Variants in GOLM1 observed in about 807,000 individuals in gnomAD.
GOLM1 encodes the protein golgi membrane protein 1, also known as epididymis luminal protein 46.
In GOLM1, 31 loss-of-function variants were observed where a neutral mutation model predicts 50.5. The observed-to-expected ratio is 0.61, with a 90% CI of 0.46 to 0.83. The LOEUF is 0.83. GOLM1 is among the 40% of genes least tolerant of loss of function. The pLI is 0.00. For synonymous variants in GOLM1, 178 were observed against 192.8 expected (o/e 0.92, Z 0.64); for missense variants, 491 against 501.3 (o/e 0.98, Z 0.20).
intron 1 of GOLM1, among the ~76,000 whole-genome samples, chr9:86,095,281 T>G (rs1835323646): frequency 6.6e-6 from 1 of 151,944 alleles, no homozygotes; most frequent in Non-Finnish European, 1.5e-5. Flanking sequence ...CAGGCTGGAG[T>G]GCAGTGGCGC....
intron 1 of GOLM1, among the ~76,000 whole-genome samples, chr9:86,088,860 T>A (rs777372470): frequency 6.6e-6 from 1 of 152,214 alleles, no homozygotes; most frequent in Non-Finnish European, 1.5e-5. Context: ...ATAGTGTCGA[T>A]GGTCTTTACA....
rs748551343 is a variant in GOLM1 at position 86,079,295 on chromosome 9, C to T, written c.26G>A (p.Arg9His). ...CACGAGGGGCGGCGACTTCATGCTG[C>T]GACGCCCGTTTCCCAAGCCCATCAT... The part of the protein sequence containing the change: MMGLGNGR[R>H]SMKSPPLVLA... The change falls in exon 2 of 10, where the codon CGC becomes CAC. Residue 9 changes from arginine (R) to histidine (H), a missense_variant. Transcript: ENST00000388712. The T allele has an allele frequency of 1.6e-5, 26 of 1,602,408 alleles. No individual in the cohort carries two copies. The South Asian group carries it at 1.7e-4, about 10-fold the overall frequency.
At chr9:86,053,459 TCACAC>T (rs1833847392) in intron 3 of GOLM1, among the ~76,000 whole-genome samples, 1 of 39,208 alleles carries the variant, frequency 2.6e-5, no homozygotes, top group African/African-American at 1.1e-4. Context: ...CCAAACCACA[TCACAC>T]CACACCACTC....
intron 9 of GOLM1, among the ~76,000 whole-genome samples, chr9:86,030,751 G>A (rs913438558): frequency 6.6e-5 from 10 of 152,114 alleles, no homozygotes; most frequent in African/African-American, 2.4e-4. Context: ...TCCTTATTTT[G>A]GTAATTTTAC....
intron 1 of GOLM1, among the ~76,000 whole-genome samples, chr9:86,096,093 C>T (rs1334651834): frequency 6.6e-6 from 1 of 151,584 alleles, no homozygotes; most frequent in African/African-American, 2.4e-5. Flanking sequence ...TGATATGAGA[C>T]TTTAAATATG....
chr9:86,079,703 T>G (rs1484938365), intron 1 of GOLM1: 3 of 176,740 alleles, frequency 1.7e-5, no homozygotes, highest in African/African-American at 7.1e-5. Context: ...AGTTTGAGAA[T>G]TAATCATTTC....
At chr9:86,063,540 C>T (rs1834221151) in intron 3 of GOLM1, among the ~76,000 whole-genome samples, 1 of 152,368 alleles carries the variant, frequency 6.6e-6, no homozygotes, top group African/African-American at 2.4e-5. Flanking sequence ...ACAGACCCTA[C>T]TTACTGTTTG....
At chr9:86,062,674 G>C (rs1384188144) in intron 3 of GOLM1, among the ~76,000 whole-genome samples, 2 of 148,326 alleles carry the variant, frequency 1.3e-5, no homozygotes, top group African/African-American at 2.5e-5. Flanking sequence ...CAGAAAGGAA[G>C]AGGAAGGATG....
intron 1 of GOLM1, among the ~76,000 whole-genome samples, chr9:86,089,543 C>T (rs1052009689): frequency 2.6e-5 from 4 of 151,958 alleles, no homozygotes; most frequent in Non-Finnish European, 4.4e-5. Context: ...TCCGCTTGAC[C>T]GATTTGGCTA....
intron 1 of GOLM1, among the ~76,000 whole-genome samples, chr9:86,097,251 G>A (rs1243947628): frequency 6.6e-6 from 1 of 152,118 alleles, no homozygotes; most frequent in African/African-American, 2.4e-5. Flanking sequence ...TGGGGAGCAA[G>A]TGAAATATCA....
chr9:86,032,252 C>A (rs1488147575), intron 9 of GOLM1, among the ~76,000 whole-genome samples: 1 of 152,158 alleles, frequency 6.6e-6, no homozygotes, highest in Admixed American at 6.5e-5. Context: ...ACTGCAACCT[C>A]TGCCTCCCGG....
At chr9:86,037,890 A>G (rs1006941401) in intron 6 of GOLM1, among the ~76,000 whole-genome samples, 13 of 152,048 alleles carry the variant, frequency 8.5e-5, no homozygotes, top group African/African-American at 2.9e-4. Context: ...CGTGGTGGCT[A>G]ATGCCTGTAA....
intron 8 of GOLM1, among the ~76,000 whole-genome samples, chr9:86,034,443 C>T (rs924610744): frequency 1.1e-4 from 16 of 152,170 alleles, no homozygotes; most frequent in Non-Finnish European, 1.5e-5. Context: ...CTCAGGCCCA[C>T]CTTTGTTACG....
intron 3 of GOLM1, among the ~76,000 whole-genome samples, chr9:86,059,680 A>C (rs1834095755): frequency 6.6e-6 from 1 of 152,086 alleles, no homozygotes; most frequent in South Asian, 2.1e-4. Context: ...GGATCACTTG[A>C]GGTCAGGAGT....
At position 86,035,882 on chromosome 9, in the gene GOLM1, AC is replaced by A. The variant is rs1301136141; in HGVS notation, c.758-258del. 1.3e-3 allele frequency among the ~76,000 whole-genome samples: 162 copies of A among 126,756 alleles called. 10 individuals carry two copies. Among genetic ancestry groups the A allele is most frequent in the East Asian group, 6.4e-3 (30 of 4,664 alleles). The allele number at this position is 126,756 out of a possible 152,430, so 83.2% of individuals were successfully genotyped here. On this transcript the variant is annotated intron_variant, in intron 7 of 9. Transcript: ENST00000388712. ...GTAGCTTACCAAAAAAAAAAACAAA[AC>A]AAAAAAAAAAAAACACCTGGACTAA...
chr9:86,053,559 AC>A (rs1833861536), intron 3 of GOLM1, among the ~76,000 whole-genome samples: 1 of 306 alleles, frequency 3.3e-3, no homozygotes, highest in African/African-American at 7.7e-3. Flanking sequence ...CACACACTAC[AC>A]ACACACACAT....
intron 9 of GOLM1, 37 bp from the exon 10 acceptor site, chr9:86,027,930 T>TAA (rs771214598): frequency 8.0e-7 from 1 of 1,256,532 alleles, no homozygotes; most frequent in South Asian, 1.2e-5. Flanking sequence ...TATAGAGTAT[T>TAA]AAATGAGATA....
intron 8 of GOLM1, chr9:86,034,946 C>A (rs914571580): frequency 1.3e-5 from 12 of 928,450 alleles, no homozygotes; most frequent in Non-Finnish European, 2.6e-6. Flanking sequence ...TATGCATTAA[C>A]CTTCATCTAC....
chr9:86,093,568 C>CAAA (rs35939357), intron 1 of GOLM1, among the ~76,000 whole-genome samples: 28,929 of 124,176 alleles, frequency 0.23, 4,736 homozygotes, highest in East Asian at 0.53. Flanking sequence ...AGATTTCTGT[C>CAAA]AAAAAAAAAA....
Sources: allele counts gnomAD v4.1 joint callset (sites outside exome capture counted in the v4.1 genomes callset), GRCh38; gene constraint gnomAD v4.1.1; transcripts MANE v1.5; gene names NCBI Gene and HGNC (gene_info 2026-07-23, HGNC 2026-07-21).